The following MOSMO variants were observed in gnomAD, a reference collection of about 807,000 sequenced individuals.
The protein encoded by MOSMO is modulator of smoothened protein.
In MOSMO, 5 loss-of-function variants were observed where a neutral mutation model predicts 18.4. The observed-to-expected ratio is 0.27, with a 90% CI of 0.14 to 0.57. The LOEUF (loss-of-function observed/expected upper bound fraction) is 0.57. Among genes scored for constraint, MOSMO ranks in the 20% least tolerant of loss-of-function variants. The pLI is 0.92. For synonymous variants in MOSMO, 82 were observed against 82.3 expected, an observed-to-expected ratio of 1.00 and a Z score of 0.02; for missense variants, 138 against 211.8, an observed-to-expected ratio of 0.65 and a Z score of 2.16.
the MOSMO span, chr16:22,092,649 C>T: frequency 6.4e-7 from 1 of 1,550,872 alleles, no homozygotes; most frequent in Non-Finnish European, 8.7e-7. Flanking sequence ...TGAAGAAATA[C>T]AGGTGAGGGT....
chr16:22,027,249 G>C (rs1479470445), intron 1 of MOSMO, among the ~76,000 whole-genome samples: 1 of 152,138 alleles, frequency 6.6e-6, no homozygotes, highest in African/African-American at 2.4e-5. Flanking sequence ...CCAAAATAGC[G>C]GTTTGTGGAA....
intron 2 of MOSMO, among the ~76,000 whole-genome samples, chr16:22,077,966 C>T (rs1427084983): frequency 6.6e-6 from 1 of 152,062 alleles, no homozygotes; most frequent in Non-Finnish European, 1.5e-5. Context: ...TTTCTATTCC[C>T]GTTAAGCTAT....
intron 2 of MOSMO, among the ~76,000 whole-genome samples, chr16:22,079,096 T>C (rs1185071908): frequency 1.3e-5 from 2 of 152,222 alleles, no homozygotes; most frequent in Non-Finnish European, 2.9e-5. Context: ...TCTCATTGTA[T>C]TGCTGGAGTT....
chr16:22,014,972 A>G (rs1348803318), intron 1 of MOSMO, among the ~76,000 whole-genome samples: 1 of 152,206 alleles, frequency 6.6e-6, no homozygotes, highest in Non-Finnish European at 1.5e-5. Flanking sequence ...AAATTCATCC[A>G]TTTAAAGTAT....
chr16:22,039,157 C>G (rs1900164394), intron 1 of MOSMO, among the ~76,000 whole-genome samples: 1 of 152,084 alleles, frequency 6.6e-6, no homozygotes, highest in Admixed American at 6.5e-5. Context: ...TATCAGTTTT[C>G]TAATGATAAT....
chr16:22,014,622 T>C (rs1490626094), intron 1 of MOSMO, among the ~76,000 whole-genome samples: 1 of 152,192 alleles, frequency 6.6e-6, no homozygotes, highest in African/African-American at 2.4e-5. Context: ...AAATTACAAG[T>C]TGCTCAAGCA....
intron 1 of MOSMO, among the ~76,000 whole-genome samples, chr16:22,049,985 A>AT (rs1439995437): frequency 6.6e-6 from 1 of 152,178 alleles, no homozygotes; most frequent in East Asian, 1.9e-4. Flanking sequence ...TGTTGTATCC[A>AT]TGCCATGGTT....
chr16:22,064,862 C>T (rs756175212), intron 1 of MOSMO, among the ~76,000 whole-genome samples: 40 of 152,186 alleles, frequency 2.6e-4, no homozygotes, highest in Non-Finnish European at 4.3e-4. Flanking sequence ...GAGTAGGCTA[C>T]TCTTGGCAGT....
chr16:22,033,832 AAAAT>A (rs1340405829), intron 1 of MOSMO, among the ~76,000 whole-genome samples: 1 of 152,098 alleles, frequency 6.6e-6, no homozygotes, highest in African/African-American at 2.4e-5. Flanking sequence ...AAAATAAAAT[AAAAT>A]AAAAAACATG....
intron 1 of MOSMO, among the ~76,000 whole-genome samples, chr16:22,028,850 G>A (rs1435554594): frequency 6.6e-6 from 1 of 151,974 alleles, no homozygotes; most frequent in Non-Finnish European, 1.5e-5. Flanking sequence ...ATTATTTCCT[G>A]TACCCACTGC....
At chr16:22,038,451 A>G (rs1455670154) in intron 1 of MOSMO, among the ~76,000 whole-genome samples, 1 of 152,226 alleles carries the variant, frequency 6.6e-6, no homozygotes, top group Non-Finnish European at 1.5e-5. Flanking sequence ...GGACCCTAAT[A>G]GTACCAGAGT....
In MOSMO at chr16:22,080,935, T is replaced by C. The variant is rs1901066788; in HGVS notation, c.*55T>C. 1 of 936,680 alleles carries C rather than the reference T, an allele frequency of 1.1e-6. No homozygotes were observed. Among genetic ancestry groups the C allele is most frequent in the Admixed American group, 4.1e-5 (1 of 24,556 alleles). 58.0% of individuals were successfully genotyped at this position (936,680 alleles called of 1,614,324 possible). Reference sequence around the variant, plus strand: ...TTTTTTATTTTATTTTATTTTTTTATTTTTGGAGGGTGGAGAGGACAAAGG... The same window carrying C: ...TTTTTTATTTTATTTTATTTTTTTACTTTTGGAGGGTGGAGAGGACAAAGG... On this transcript the variant is annotated 3_prime_UTR_variant, in exon 3 of 3. Transcript: ENST00000542527.
At chr16:22,018,973 G>A (rs1015044965) in intron 1 of MOSMO, among the ~76,000 whole-genome samples, 1 of 151,434 alleles carries the variant, frequency 6.6e-6, no homozygotes, top group South Asian at 2.1e-4. Flanking sequence ...TACTTGTATA[G>A]CATTTACTTT....
downstream of MOSMO, among the ~76,000 whole-genome samples, chr16:22,090,783 G>A (rs1294141230): frequency 6.6e-6 from 1 of 152,100 alleles, no homozygotes; most frequent in Non-Finnish European, 1.5e-5. Context: ...CATCCCGAAG[G>A]GAGCCAAGAA....
intron 1 of MOSMO, among the ~76,000 whole-genome samples, chr16:22,014,216 T>A (rs1010720049): frequency 6.6e-6 from 1 of 152,100 alleles, no homozygotes; most frequent in Admixed American, 6.5e-5. Context: ...ATGAAGTCAG[T>A]CCTTGTGACC....
chr16:22,092,567 C>T, the MOSMO span: 1 of 1,539,796 alleles, frequency 6.5e-7, no homozygotes. Flanking sequence ...CTTGGAGAAA[C>T]CAGAAGTGAG....
intron 1 of MOSMO, among the ~76,000 whole-genome samples, chr16:22,071,269 G>C (rs954824121): frequency 6.6e-6 from 1 of 152,198 alleles, no homozygotes; most frequent in African/African-American, 2.4e-5. Flanking sequence ...GGAGGAAAAC[G>C]TAACAGGGAG....
chr16:22,066,821 CCA>C (rs1167621269), intron 1 of MOSMO, among the ~76,000 whole-genome samples: 5 of 152,128 alleles, frequency 3.3e-5, no homozygotes, highest in Admixed American at 1.3e-4. Context: ...ATTCAAATGT[CCA>C]GTTTTCAACT....
intron 1 of MOSMO, among the ~76,000 whole-genome samples, chr16:22,011,668 G>A (rs919940850): frequency 6.6e-6 from 1 of 151,770 alleles, no homozygotes; most frequent in Non-Finnish European, 1.5e-5. Flanking sequence ...TCGAGGAAGT[G>A]ATTGTTTTTT....
Sources: gnomAD v4.1 joint callset for allele counts (sites outside exome capture counted in the v4.1 genomes callset) on GRCh38, gnomAD v4.1.1 for gene constraint, MANE v1.5 for transcripts, NCBI Gene and HGNC (gene_info 2026-07-23, HGNC 2026-07-21) for gene names.